ELF1: variants seen among roughly 807,000 people sequenced by gnomAD.
ELF1 encodes E74 like ETS transcription factor 1.
In ELF1, 24 loss-of-function variants were observed where a neutral mutation model predicts 59.9. The ratio of observed to expected loss-of-function variants is 0.40; its 90% CI spans 0.29 to 0.56. The LOEUF (loss-of-function observed/expected upper bound fraction) is 0.56, where lower values mean the gene tolerates loss of function less well. ELF1 is among the 20% of genes least tolerant of loss of function. The pLI is 0.44. For missense variants in ELF1, 627 were observed against 742.2 expected, an observed-to-expected ratio of 0.84 and a Z score of 1.80; for synonymous variants, 248 against 266.2, an observed-to-expected ratio of 0.93 and a Z score of 0.67.
chr13:40,989,647 A>G (rs1331793766), intron 1 of ELF1, among the ~76,000 whole-genome samples: 1 of 152,166 alleles, frequency 6.6e-6, no homozygotes, highest in East Asian at 1.9e-4. Flanking sequence ...AGATTTCCAC[A>G]ATATAGTAAA....
chr13:40,948,324 G>T (rs151040355), intron 5 of ELF1, among the ~76,000 whole-genome samples: 37 of 152,270 alleles, frequency 2.4e-4, no homozygotes, highest in African/African-American at 8.7e-4. Context: ...TGTGCCAATG[G>T]GTGGATTTCT....
At chr13:41,054,675 G>A (rs1219997199) in intron 1 of ELF1, among the ~76,000 whole-genome samples, 1 of 152,104 alleles carries the variant, frequency 6.6e-6, no homozygotes, top group Non-Finnish European at 1.5e-5. Flanking sequence ...ACCCTATTTA[G>A]GGAGAGAGTA....
chr13:40,955,987 A>C (rs867072897), intron 3 of ELF1, among the ~76,000 whole-genome samples: 1 of 119,452 alleles, frequency 8.4e-6, no homozygotes, highest in African/African-American at 3.1e-5. Flanking sequence ...CGCCCCGTCC[A>C]GGAGGTGAGG....
intron 1 of ELF1, among the ~76,000 whole-genome samples, chr13:40,991,493 T>A (rs949848250): frequency 4.6e-5 from 7 of 152,194 alleles, no homozygotes; most frequent in Admixed American, 3.9e-4. Flanking sequence ...CAAAGACAGA[T>A]CTGGAACTCC....
Position 40,940,386 on chromosome 13 carries a change from G to GAAAAAAAAA in ELF1, c.1256+526_1256+534dup, listed in dbSNP as rs375400990. ...GCTCTGAGGCAAATCTGATTTAACT[G>GAAAAAAAAA]AAAAAAAAAAAAAAAAAAAAAAAAA... On this transcript the variant is annotated intron_variant, in intron 8 of 8. Transcript: ENST00000239882. 8.3e-4 allele frequency among the ~76,000 whole-genome samples: 91 copies of GAAAAAAAAA among 109,846 alleles called. 5 individuals carry two copies. The East Asian group carries it at 0.01, about 12-fold the overall frequency. The allele number at this position is 109,846 out of a possible 152,430, so 72.1% of individuals were successfully genotyped here.
rs191483205 is a variant in ELF1 at position 41,040,567 on chromosome 13, A to G, written c.-229+20271T>C. On this transcript the variant is annotated intron_variant, in intron 1 of 1. Coordinates refer to the ELF1 transcript ENST00000405737. ...TTTTGGGATGAAACTGTTCCTCCTC[A>G]GATCATCAGGCATTAGATTCTCTTA... Among the ~76,000 whole-genome samples, 307 of 152,274 alleles carry G rather than the reference A, an allele frequency of 2.0e-3. 1 individual carries two copies. The highest frequency in any genetic ancestry group is 7.1e-3 in the African/African-American group (296 of 41,524).
intron 2 of ELF1, among the ~76,000 whole-genome samples, chr13:40,961,574 GAA>G (rs2138203898): frequency 6.6e-6 from 1 of 152,040 alleles, no homozygotes; most frequent in South Asian, 2.1e-4. Flanking sequence ...GAAAAAAAAA[GAA>G]AGAAAAAAAT....
rs753156108 is a variant in ELF1, at chr13:40,951,332, T to C, written c.358A>G (p.Ile120Val). ...SPGPMLDEKR[I>V]NNNIFSSPED... ...ATAAACAATCATAATCACTCACTTATTCGTTTTTCATCCAGCATAGGGCCA... is the reference window on the plus strand; with the variant it reads ...ATAAACAATCATAATCACTCACTTACTCGTTTTTCATCCAGCATAGGGCCA... The change falls in exon 4 of 9, where the codon ATA (isoleucine) becomes GTA (valine). Residue 120 changes from isoleucine to valine, a missense_variant. This residue lies in a region of ELF1 where 232 missense variants were observed against 269.2 expected (regional missense o/e 0.86). Coordinates refer to ENST00000239882, the MANE Select transcript of ELF1 (RefSeq NM_172373.4). 1.9e-6 allele frequency: 3 copies of C among 1,609,134 alleles called. No homozygotes were observed. Among genetic ancestry groups the C allele is most frequent in the Non-Finnish European group, 2.5e-6 (3 of 1,176,846 alleles).
intron 1 of ELF1, among the ~76,000 whole-genome samples, chr13:41,036,960 G>C (rs907534485): frequency 1.1e-4 from 16 of 151,848 alleles, no homozygotes; most frequent in South Asian, 2.1e-4. Flanking sequence ...GTTGTGGGGT[G>C]GGGGGAGTGG....
At chr13:40,998,443 T>C (rs1235742417) in intron 1 of ELF1, among the ~76,000 whole-genome samples, 2 of 152,214 alleles carry the variant, frequency 1.3e-5, no homozygotes, top group Non-Finnish European at 2.9e-5. Context: ...AGGTGTGTAG[T>C]AGGCTATACC....
chr13:40,951,968 ATGGTGGCAG>A (rs1340810754), intron 3 of ELF1, among the ~76,000 whole-genome samples: 1 of 152,238 alleles, frequency 6.6e-6, no homozygotes, highest in Non-Finnish European at 1.5e-5. Context: ...AAAATCATAA[ATGGTGGCAG>A]TGCAAGGAAA....
intron 3 of ELF1, among the ~76,000 whole-genome samples, chr13:40,953,420 A>C (rs535663226): frequency 6.6e-6 from 1 of 152,210 alleles, no homozygotes; most frequent in Non-Finnish European, 1.5e-5. Flanking sequence ...CCCTAATCCA[A>C]TATGGTTAGT....
chr13:41,033,993 T>TA (rs1238764486), intron 1 of ELF1, among the ~76,000 whole-genome samples: 1 of 152,196 alleles, frequency 6.6e-6, no homozygotes, highest in South Asian at 2.1e-4. Flanking sequence ...TACACAAACT[T>TA]AGACATGTCA....
At chr13:41,016,440 A>G (rs760781237) in intron 1 of ELF1, among the ~76,000 whole-genome samples, 5 of 152,344 alleles carry the variant, frequency 3.3e-5, no homozygotes, top group Admixed American at 6.5e-5. Context: ...GGAGGAGGAG[A>G]AGATGTGACA....
chr13:40,968,997 G>C (rs1357163101), intron 2 of ELF1, among the ~76,000 whole-genome samples: 3 of 152,132 alleles, frequency 2.0e-5, no homozygotes. Flanking sequence ...TGGGATTACA[G>C]ACATGAGCCA....
chr13:41,055,011 A>ATTCAT (rs1239822063), intron 1 of ELF1, among the ~76,000 whole-genome samples: 4 of 152,166 alleles, frequency 2.6e-5, no homozygotes, highest in Non-Finnish European at 5.9e-5. Flanking sequence ...ATTTTCATTC[A>ATTCAT]TTCATTCAAA....
intron 2 of ELF1, among the ~76,000 whole-genome samples, chr13:40,978,873 T>C (rs1428054491): frequency 6.6e-6 from 1 of 152,086 alleles, no homozygotes; most frequent in Admixed American, 6.6e-5. Flanking sequence ...CAGCTCCTCT[T>C]ACCCCCCGCA....
chr13:41,041,105 A>G (rs1876587059), intron 1 of ELF1, among the ~76,000 whole-genome samples: 1 of 152,096 alleles, frequency 6.6e-6, no homozygotes, highest in African/African-American at 2.4e-5. Flanking sequence ...AGGAGAGAAA[A>G]TTATAGGCAC....
At chr13:40,975,473 A>G (rs1279671407) in intron 2 of ELF1, among the ~76,000 whole-genome samples, 1 of 152,238 alleles carries the variant, frequency 6.6e-6, no homozygotes, top group African/African-American at 2.4e-5. Flanking sequence ...ATAAATGTGA[A>G]CAACTGTCAT....
Sources: allele counts gnomAD v4.1 joint callset (sites outside exome capture counted in the v4.1 genomes callset), GRCh38; gene constraint gnomAD v4.1.1; regional missense constraint gnomAD v4.1.1; transcripts MANE v1.5; gene names NCBI Gene and HGNC (gene_info 2026-07-23, HGNC 2026-07-21).